MGAT4A: variants seen among roughly 807,000 people sequenced by gnomAD.
The protein encoded by MGAT4A is N-acetylglucosaminyltransferase IVa.
A neutral mutation model predicts 74.1 loss-of-function variants in MGAT4A; 33 were observed. That is an observed-to-expected ratio of 0.45 (90% confidence interval 0.34 to 0.60). The LOEUF is 0.60. MGAT4A is among the 20% of genes least tolerant of loss of function. The probability of loss-of-function intolerance (pLI) is 0.02; values close to 1 mark genes in which losing one functional copy is unlikely to be tolerated. For synonymous variants in MGAT4A, 198 were observed against 210.4 expected (o/e 0.94, Z 0.51); for missense variants, 479 against 628.3 (o/e 0.76, Z 2.54).
rs1220628243 is a variant in MGAT4A at position 98,621,228 on chromosome 2, A to T, written c.*4338T>A. 2.9e-6 allele frequency: 2 copies of T among 681,424 alleles called. No homozygotes were observed. The highest frequency in any genetic ancestry group is 7.2e-5 in the Admixed American group (2 of 27,934). 42.2% of individuals were successfully genotyped at this position (681,424 alleles called of 1,614,324 possible). On this transcript the variant is annotated 3_prime_UTR_variant, in exon 16 of 16. Transcript: ENST00000393487. ...TGAGTTCTCGGCTTAGGGTCTCACA[A>T]GGCTGGATTCAAAGTGTTGGCCAGG...
Position 98,692,176 on chromosome 2 carries a change from C to A in MGAT4A, c.95-13705G>T, listed in dbSNP as rs188591345. Among the ~76,000 whole-genome samples, 714 of 152,260 alleles carry A rather than the reference C, an allele frequency of 4.7e-3. 5 individuals carry two copies. The highest frequency in any genetic ancestry group is 0.016 in the African/African-American group (674 of 41,538). ...GTGGCCTGATCAAGGCTCACCACAGCCTCAACCTTCTTGGCTCAAGTGATC... is the reference window on the plus strand; with the variant it reads ...GTGGCCTGATCAAGGCTCACCACAGACTCAACCTTCTTGGCTCAAGTGATC... On this transcript the variant is annotated intron_variant, in intron 2 of 15. Coordinates refer to ENST00000393487, the MANE Select transcript of MGAT4A (RefSeq NM_012214.3).
At chr2:98,712,410 T>G (rs143641215) in intron 2 of MGAT4A, among the ~76,000 whole-genome samples, 9 of 152,260 alleles carry the variant, frequency 5.9e-5, no homozygotes, top group Non-Finnish European at 1.2e-4. Flanking sequence ...TGAGAAAGAC[T>G]CCTTTTTAAA....
chr2:98,679,610 C>A (rs541149522), intron 2 of MGAT4A, among the ~76,000 whole-genome samples: 1 of 151,960 alleles, frequency 6.6e-6, no homozygotes, highest in Non-Finnish European at 1.5e-5. Flanking sequence ...CCAGCCTGGG[C>A]GACAGAGTGA....
chr2:98,622,417 G>T lies in MGAT4A; in HGVS notation c.*3149C>A. On this transcript the variant is annotated 3_prime_UTR_variant, in exon 16 of 16. Coordinates refer to ENST00000393487, the MANE Select transcript of MGAT4A (RefSeq NM_012214.3). ...ATGTTTTTATTTAAACAGCCCCCAT[G>T]TGTCTACTGGCTATATGTGTTTTTA... The T allele has an allele frequency of 1.0e-6, 1 of 985,320 alleles. No homozygotes were observed. Among genetic ancestry groups the T allele is most frequent in the Non-Finnish European group, 1.2e-6 (1 of 829,808 alleles). The allele number at this position is 985,320 out of a possible 1,614,324, so 61.0% of individuals were successfully genotyped here. A position where few individuals can be genotyped will look rare whatever the true frequency, so the allele number is the denominator to read the frequency against.
chr2:98,681,876 C>G (rs1702065020), intron 2 of MGAT4A, among the ~76,000 whole-genome samples: 1 of 151,808 alleles, frequency 6.6e-6, no homozygotes, highest in African/African-American at 2.4e-5. Flanking sequence ...AAAGTATTAC[C>G]AAAAGAAAAA....
chr2:98,658,883 T>A (rs1393091214), intron 5 of MGAT4A, among the ~76,000 whole-genome samples: 1 of 152,278 alleles, frequency 6.6e-6, no homozygotes, highest in Admixed American at 6.5e-5. Context: ...GTCAAAATTC[T>A]AATACTTCTT....
chr2:98,670,584 C>A (rs1701898344), intron 4 of MGAT4A, among the ~76,000 whole-genome samples: 4 of 152,154 alleles, frequency 2.6e-5, no homozygotes, highest in Admixed American at 2.6e-4. Context: ...AAATTATGTC[C>A]CTTTAAAAAT....
intron 2 of MGAT4A, among the ~76,000 whole-genome samples, chr2:98,724,425 CAGA>C (rs1329844257): frequency 6.6e-6 from 1 of 152,158 alleles, no homozygotes; most frequent in Non-Finnish European, 1.5e-5. Flanking sequence ...ACATTTAACA[CAGA>C]AGATTTTATG....
chr2:98,729,973 C>T (rs1208515978), intron 1 of MGAT4A, among the ~76,000 whole-genome samples: 1 of 152,328 alleles, frequency 6.6e-6, no homozygotes, highest in South Asian at 2.1e-4. Flanking sequence ...AGTGCGTTTT[C>T]GGGTTTACAC....
At chr2:98,626,401 A>G (rs890501633) in intron 14 of MGAT4A, among the ~76,000 whole-genome samples, 6 of 152,206 alleles carry the variant, frequency 3.9e-5, no homozygotes, top group Admixed American at 3.9e-4. Context: ...TCCTATAAAA[A>G]TAAGGACCAA....
intron 2 of MGAT4A, among the ~76,000 whole-genome samples, chr2:98,710,702 C>T (rs952574710): frequency 3.9e-5 from 6 of 152,090 alleles, no homozygotes; most frequent in African/African-American, 1.2e-4. Context: ...TCTTGACCTC[C>T]GGAACTCAAG....
At chr2:98,653,327 T>A (rs1444997442) in intron 8 of MGAT4A, among the ~76,000 whole-genome samples, 9 of 103,232 alleles carry the variant, frequency 8.7e-5, no homozygotes, top group South Asian at 5.8e-4. Context: ...TTAGATCAGA[T>A]AAATAAATAG....
chr2:98,701,735 G>T (rs563485307), intron 2 of MGAT4A, among the ~76,000 whole-genome samples: 30 of 152,298 alleles, frequency 2.0e-4, no homozygotes, highest in African/African-American at 7.0e-4. Context: ...CAGAGGCTAG[G>T]TCTACATTCT....
intron 2 of MGAT4A, among the ~76,000 whole-genome samples, chr2:98,724,301 T>A (rs866124613): frequency 2.0e-5 from 3 of 152,230 alleles, no homozygotes; most frequent in South Asian, 2.1e-4. Context: ...ATGGGTATAT[T>A]AGAATTGAGT....
intron 4 of MGAT4A, among the ~76,000 whole-genome samples, chr2:98,672,075 TAAACACAG>T (rs1701918829): frequency 6.6e-6 from 1 of 152,008 alleles, no homozygotes; most frequent in African/African-American, 2.4e-5. Flanking sequence ...TGTTGTGGTT[TAAACACAG>T]TGAGTTTGTG....
intron 14 of MGAT4A, among the ~76,000 whole-genome samples, chr2:98,627,771 T>TA (rs1337653319): frequency 2.0e-5 from 3 of 152,196 alleles, no homozygotes; most frequent in Non-Finnish European, 4.4e-5. Flanking sequence ...AAAACTGCAG[T>TA]AAATCTCTAC....
chr2:98,730,496 TC>T (rs1182825596), intron 1 of MGAT4A, among the ~76,000 whole-genome samples: 1 of 152,128 alleles, frequency 6.6e-6, no homozygotes, highest in Admixed American at 6.5e-5. Context: ...GCACGGCCGG[TC>T]CCCTCGGGAG....
chr2:98,730,885 G>C (rs560411925), intron 1 of MGAT4A, among the ~76,000 whole-genome samples, 163 bp downstream of exon 1: 4 of 144,594 alleles, frequency 2.8e-5, no homozygotes, highest in Non-Finnish European at 6.1e-5. Context: ...AGCTCCGGCC[G>C]GGCCGCGGCG....
chr2:98,699,960 T>C (rs1456817091), intron 2 of MGAT4A, among the ~76,000 whole-genome samples: 4 of 152,216 alleles, frequency 2.6e-5, no homozygotes, highest in African/African-American at 7.2e-5. Context: ...ATGTTTCTTA[T>C]AGGATACGTG....
Sources: gnomAD v4.1 joint callset for allele counts (sites outside exome capture counted in the v4.1 genomes callset) on GRCh38, gnomAD v4.1.1 for gene constraint, MANE v1.5 for transcripts, NCBI Gene and HGNC (gene_info 2026-07-23, HGNC 2026-07-21) for gene names.